Variants in TACR1 observed in about 807,000 individuals in gnomAD.
TACR1 encodes the protein tachykinin receptor 1, also known as substance-P receptor.
Under a neutral mutation model 35.8 loss-of-function variants are expected in TACR1, and 25 were observed. The ratio of observed to expected loss-of-function variants is 0.70; its 90% CI spans 0.51 to 0.98. The LOEUF is 0.98. TACR1 is among the 50% of genes least tolerant of loss of function. The pLI is 0.00. For synonymous variants in TACR1, 195 were observed against 206.7 expected, an observed-to-expected ratio of 0.94 and a Z score of 0.48; for missense variants, 478 against 522.9, an observed-to-expected ratio of 0.91 and a Z score of 0.84.
rs769096225 is a variant in TACR1, at chr2:75,198,760, C to T, written c.175G>A (p.Ala59Thr). The T allele has an allele frequency of 1.2e-6, 2 of 1,614,184 alleles. No individual in the cohort carries two copies. The highest frequency in any genetic ancestry group is 1.3e-5 in the African/African-American group (1 of 75,040). The change falls in exon 1 of 5, where the codon GCC becomes ACC. Residue 59 changes from alanine (A) to threonine (T), a missense_variant. Transcript: ENST00000305249. ...GNVVVMWIILAHKRMRTVTNY... is the reference protein window; with the variant it reads ...GNVVVMWIILTHKRMRTVTNY... ...GTCACTGTCCTCATTCTTTTGTGGG[C>T]TAAGATGATCCACATCACTACCACG...
intron 2 of TACR1, among the ~76,000 whole-genome samples, chr2:75,096,182 C>T (rs1331910149): frequency 2.0e-5 from 3 of 152,168 alleles, no homozygotes; most frequent in African/African-American, 7.2e-5. Context: ...CTCATGAAAT[C>T]CCTCTCCTTT....
At chr2:75,154,288 A>T (rs2103971946) in intron 1 of TACR1, 1 of 152,156 alleles carries the variant, frequency 6.6e-6, no homozygotes, top group Non-Finnish European at 1.5e-5. Context: ...CTCATGGGGG[A>T]GTAGTCAGAA....
intron 1 of TACR1, among the ~76,000 whole-genome samples, chr2:75,164,738 G>A (rs745654970): frequency 4.6e-5 from 7 of 152,164 alleles, no homozygotes; most frequent in African/African-American, 9.7e-5. Flanking sequence ...CACTGGCTCC[G>A]AGTGCTCCTG....
intron 2 of TACR1, among the ~76,000 whole-genome samples, chr2:75,064,682 G>T (rs1672732112): frequency 6.6e-6 from 1 of 152,240 alleles, no homozygotes; most frequent in Admixed American, 6.5e-5. Flanking sequence ...GCATTGTAAA[G>T]AACAGTGGTA....
intron 2 of TACR1, among the ~76,000 whole-genome samples, chr2:75,096,836 T>G (rs1267504121): frequency 2.0e-5 from 3 of 152,324 alleles, no homozygotes; most frequent in Non-Finnish European, 4.4e-5. Context: ...CCACTCATTC[T>G]TCTCTCTTGC....
chr2:75,170,192 T>C (rs1190997190), intron 1 of TACR1, among the ~76,000 whole-genome samples: 1 of 152,180 alleles, frequency 6.6e-6, no homozygotes, highest in Admixed American at 6.5e-5. Flanking sequence ...TGGGAGGTAA[T>C]TGAGTCATGG....
chr2:75,067,237 C>A (rs1289702163), intron 2 of TACR1, among the ~76,000 whole-genome samples: 1 of 152,178 alleles, frequency 6.6e-6, no homozygotes, highest in East Asian at 1.9e-4. Context: ...GCTTCCTCAA[C>A]TTCACAGTTC....
At chr2:75,152,325 C>G (rs976291422) in intron 1 of TACR1, among the ~76,000 whole-genome samples, 1 of 152,030 alleles carries the variant, frequency 6.6e-6, no homozygotes, top group African/African-American at 2.4e-5. Context: ...TGGGAGGAAC[C>G]CAGGGGGAGG....
chr2:75,068,919 A>G (rs1672821735), intron 2 of TACR1, among the ~76,000 whole-genome samples: 3 of 152,332 alleles, frequency 2.0e-5, no homozygotes, highest in South Asian at 4.1e-4. Flanking sequence ...TTTTAAAATT[A>G]TATGTACATG....
At chr2:75,080,690 T>C (rs1461245221) in intron 2 of TACR1, among the ~76,000 whole-genome samples, 1 of 152,200 alleles carries the variant, frequency 6.6e-6, no homozygotes, top group East Asian at 1.9e-4. Context: ...TCCTTTCCTA[T>C]TTCCAGGCAG....
intron 2 of TACR1, among the ~76,000 whole-genome samples, chr2:75,072,287 T>A (rs531652566): frequency 2.0e-4 from 31 of 152,228 alleles, no homozygotes; most frequent in Non-Finnish European, 4.1e-4. Flanking sequence ...AGGACGGGAT[T>A]AGCGATCTGA....
intron 1 of TACR1, among the ~76,000 whole-genome samples, chr2:75,180,776 C>A (rs1439854012): frequency 6.6e-6 from 1 of 152,194 alleles, no homozygotes; most frequent in African/African-American, 2.4e-5. Flanking sequence ...CTAAATGCTC[C>A]AAACTAATGA....
chr2:75,057,671 T>C (rs1325806869), intron 2 of TACR1, among the ~76,000 whole-genome samples: 1 of 152,088 alleles, frequency 6.6e-6, no homozygotes, highest in Non-Finnish European at 1.5e-5. Context: ...TACCAGGAGT[T>C]GGAGGGAGGA....
intron 2 of TACR1, among the ~76,000 whole-genome samples, chr2:75,077,729 C>G (rs1016891802): frequency 6.6e-6 from 1 of 152,166 alleles, no homozygotes; most frequent in African/African-American, 2.4e-5. Context: ...CTGTCTTGTA[C>G]TTCAAATCTA....
At chr2:75,094,855 A>ATTTTTTTT (rs1351976784) in intron 2 of TACR1, among the ~76,000 whole-genome samples, 5 of 87,920 alleles carry the variant, frequency 5.7e-5, no homozygotes, top group African/African-American at 3.0e-4. Context: ...ATATATATAT[A>ATTTTTTTT]TATATTTTTT....
At chr2:75,102,563 A>G (rs1673559780) in intron 2 of TACR1, among the ~76,000 whole-genome samples, 1 of 152,162 alleles carries the variant, frequency 6.6e-6, no homozygotes, top group Non-Finnish European at 1.5e-5. Context: ...AGATTAACAT[A>G]TAATCATACA....
At chr2:75,121,200 T>C (rs1673965235) in intron 1 of TACR1, among the ~76,000 whole-genome samples, 1 of 152,214 alleles carries the variant, frequency 6.6e-6, no homozygotes, top group Admixed American at 6.5e-5. Flanking sequence ...TTATGTGATA[T>C]TATAAAAGAT....
Position 75,135,211 on chromosome 2 carries a change from TCTTA to T in TACR1, c.390-14447_390-14444del, listed in dbSNP as rs927696222. ...ATATCTCTTTCCCTCTCCCTATTGC[TCTTA>T]CTTATTGCTTTTTCAGCTACTTAAT... is the stretch of plus-strand genomic sequence containing the variant. On this transcript the variant is annotated intron_variant, in intron 1 of 4. Transcript: ENST00000305249. Among the ~76,000 whole-genome samples the T allele has an allele frequency of 3.3e-5, 5 of 152,318 alleles. No individual in the cohort carries two copies. In the South Asian group the frequency reaches 8.3e-4, roughly 25 times the overall value.
chr2:75,080,331 C>G (rs552373026), intron 2 of TACR1, among the ~76,000 whole-genome samples: 1 of 152,182 alleles, frequency 6.6e-6, no homozygotes, highest in African/African-American at 2.4e-5. Flanking sequence ...CATGACAACA[C>G]ACATGCACAC....
Sources: gnomAD v4.1 joint callset for allele counts (sites outside exome capture counted in the v4.1 genomes callset) on GRCh38, gnomAD v4.1.1 for gene constraint, MANE v1.5 for transcripts, NCBI Gene and HGNC (gene_info 2026-07-23, HGNC 2026-07-21) for gene names.